LINGO2: variants seen among roughly 807,000 people sequenced by gnomAD.
The protein encoded by LINGO2 is leucine rich repeat and Ig domain containing 2.
In LINGO2, 14 loss-of-function variants were observed where a neutral mutation model predicts 30.6. The observed-to-expected ratio is 0.46, with a 90% CI of 0.30 to 0.72. The LOEUF (loss-of-function observed/expected upper bound fraction) is 0.72, where lower values mean the gene tolerates loss of function less well. Ranked by LOEUF, LINGO2 falls within the 30% of genes least tolerant of loss-of-function variation. LINGO2 has a pLI of 0.07. For missense variants in LINGO2, 729 were observed against 751.7 expected (o/e 0.97, Z 0.35); for synonymous variants, 317 against 288.5 (o/e 1.10, Z -1.00).
intron 4 of LINGO2, among the ~76,000 whole-genome samples, chr9:28,020,404 C>T (rs1823053550): frequency 6.6e-6 from 1 of 152,160 alleles, no homozygotes; most frequent in Non-Finnish European, 1.5e-5. Flanking sequence ...TGGCAGGCAC[C>T]TGTCATCCCA....
intron 5 of LINGO2, among the ~76,000 whole-genome samples, chr9:28,000,068 A>G (rs1204396492): frequency 6.6e-6 from 1 of 152,214 alleles, no homozygotes; most frequent in African/African-American, 2.4e-5. Context: ...ATGATGTGAC[A>G]TTGATTTTAG....
At chr9:28,782,689 A>G in the LINGO2 span, among the ~76,000 whole-genome samples, 1 of 152,222 alleles carries the variant, frequency 6.6e-6, no homozygotes, top group South Asian at 2.1e-4. Context: ...AGAATTTGTT[A>G]CTTCTTTGAA....
the LINGO2 span, among the ~76,000 whole-genome samples, chr9:28,791,818 T>C: frequency 6.6e-6 from 1 of 151,836 alleles, no homozygotes; most frequent in Non-Finnish European, 1.5e-5. Context: ...ATGACAAAAA[T>C]AATATCAGAT....
intron 2 of LINGO2, among the ~76,000 whole-genome samples, chr9:28,469,144 G>GGA (rs1190594509): frequency 6.6e-6 from 1 of 151,778 alleles, no homozygotes; most frequent in Admixed American, 6.6e-5. Context: ...ATTATGGAGT[G>GGA]GAAAAATACA....
chr9:28,668,417 G>T (rs1253992160), intron 1 of LINGO2, among the ~76,000 whole-genome samples: 1 of 151,914 alleles, frequency 6.6e-6, no homozygotes, highest in African/African-American at 2.4e-5. Context: ...TTAAAATAAA[G>T]TTCTCAGTGC....
At chr9:28,001,172 T>A (rs1322630070) in intron 5 of LINGO2, among the ~76,000 whole-genome samples, 2 of 152,172 alleles carry the variant, frequency 1.3e-5, no homozygotes, top group East Asian at 1.9e-4. Flanking sequence ...TTTCTTCAAA[T>A]GAAATCTTAT....
chr9:28,229,135 T>C (rs1200576415), intron 4 of LINGO2, among the ~76,000 whole-genome samples: 1 of 151,758 alleles, frequency 6.6e-6, no homozygotes, highest in Non-Finnish European at 1.5e-5. Context: ...ACTGAACTTC[T>C]AAACATAACA....
intron 1 of LINGO2, among the ~76,000 whole-genome samples, chr9:28,612,000 T>C (rs972261342): frequency 6.6e-6 from 1 of 151,950 alleles, no homozygotes. Flanking sequence ...TTTTGTATTC[T>C]TAGTAGAGAC....
At chr9:28,394,480 C>A (rs931609383) in intron 2 of LINGO2, among the ~76,000 whole-genome samples, 1 of 152,156 alleles carries the variant, frequency 6.6e-6, no homozygotes, top group Non-Finnish European at 1.5e-5. Context: ...TTCTCTCCTG[C>A]CTCCCTCATT....
At chr9:28,489,896 C>CAAAAAAAAAAAAAAAAAA (rs36068240) in intron 1 of LINGO2, among the ~76,000 whole-genome samples, 1 of 66,916 alleles carries the variant, frequency 1.5e-5, no homozygotes. Flanking sequence ...GACTTTGTCT[C>CAAAAAAAAAAAAAAAAAA]AAAAAAAAAA....
At chr9:29,018,050 CTATATATAAA>C in the LINGO2 span, among the ~76,000 whole-genome samples, 1 of 107,362 alleles carries the variant, frequency 9.3e-6, no homozygotes, top group African/African-American at 3.3e-5. Context: ...AGAGAGAGAT[CTATATATAAA>C]TATATATAAA....
chr9:28,086,533 C>A (rs1825920688), intron 4 of LINGO2, among the ~76,000 whole-genome samples: 2 of 151,960 alleles, frequency 1.3e-5, no homozygotes, highest in African/African-American at 4.8e-5. Context: ...CAGGAGATCC[C>A]AATCTCATTT....
At chr9:29,093,121 C>G in the LINGO2 span, among the ~76,000 whole-genome samples, 1 of 128,570 alleles carries the variant, frequency 7.8e-6, no homozygotes, top group Non-Finnish European at 1.6e-5. Context: ...TGATATCTAT[C>G]TTTGTTTATA....
rs997593259 is a variant in LINGO2, at chr9:28,661,137, T to G, written c.-365+9063A>C. On this transcript the variant is annotated intron_variant, in intron 1 of 5. Transcript: ENST00000379992. ...TTGTAACCTGCTTTGACCAATAAGATGCAGAAAAATATATATATATATATG... is the reference window on the plus strand; with the variant it reads ...TTGTAACCTGCTTTGACCAATAAGAGGCAGAAAAATATATATATATATATG... Among the ~76,000 whole-genome samples the G allele has an allele frequency of 4.6e-5, 7 of 150,880 alleles. No individual in the cohort carries two copies. In the East Asian group the frequency reaches 1.4e-3, roughly 29 times the overall value.
At chr9:29,183,178 C>T in the LINGO2 span, among the ~76,000 whole-genome samples, 1 of 152,126 alleles carries the variant, frequency 6.6e-6, no homozygotes, top group Non-Finnish European at 1.5e-5. Flanking sequence ...TTTTCTATTT[C>T]CAATGCAACA....
intron 1 of LINGO2, among the ~76,000 whole-genome samples, chr9:28,480,984 C>T (rs564298936): frequency 5.9e-5 from 9 of 152,226 alleles, no homozygotes; most frequent in Non-Finnish European, 1.3e-4. Context: ...ATTTTGTTCC[C>T]AATTTCACCA....
chr9:28,832,970 T>A, the LINGO2 span, among the ~76,000 whole-genome samples: 1 of 33,350 alleles, frequency 3.0e-5, no homozygotes, highest in Non-Finnish European at 8.0e-5. Flanking sequence ...GTAGTACATT[T>A]TTTGATGTAA....
At chr9:28,559,684 A>G (rs1242015905) in intron 1 of LINGO2, among the ~76,000 whole-genome samples, 2 of 152,144 alleles carry the variant, frequency 1.3e-5, no homozygotes, top group African/African-American at 4.8e-5. Context: ...CACAAGTTAC[A>G]AAGTTTTTAT....
At chr9:27,961,061 C>A (rs149870586) in intron 5 of LINGO2, among the ~76,000 whole-genome samples, 1 of 152,170 alleles carries the variant, frequency 6.6e-6, no homozygotes, top group Non-Finnish European at 1.5e-5. Context: ...AGTGCCCATA[C>A]AACCATTCTG....
Sources: gnomAD v4.1 joint callset for allele counts (sites outside exome capture counted in the v4.1 genomes callset) on GRCh38, gnomAD v4.1.1 for gene constraint, MANE v1.5 for transcripts, NCBI Gene and HGNC (gene_info 2026-07-23, HGNC 2026-07-21) for gene names.